The following CLSTN2 variants were observed in gnomAD, a reference collection of about 807,000 sequenced individuals.
CLSTN2 encodes calsyntenin-2.
In CLSTN2, 48 loss-of-function variants were observed where a neutral mutation model predicts 101.2. That is an observed-to-expected ratio of 0.47 (90% CI 0.38 to 0.60). The LOEUF is 0.60. Ranked by LOEUF, CLSTN2 falls within the 20% of genes least tolerant of loss-of-function variation. The pLI, the probability that CLSTN2 is intolerant of heterozygous loss-of-function variation, is 0.00. For missense variants in CLSTN2, 1,160 were observed against 1,238.2 expected (o/e 0.94, Z 0.95); for synonymous variants, 481 against 463.6 (o/e 1.04, Z -0.48).
intron 1 of CLSTN2, among the ~76,000 whole-genome samples, chr3:139,950,137 A>C (rs1935271984): frequency 6.6e-6 from 1 of 152,184 alleles, no homozygotes; most frequent in Non-Finnish European, 1.5e-5. Flanking sequence ...AACAAACGGG[A>C]GTCTCTCTGA....
chr3:140,135,207 A>G (rs2009597590), intron 1 of CLSTN2, among the ~76,000 whole-genome samples: 1 of 147,706 alleles, frequency 6.8e-6, no homozygotes, highest in Non-Finnish European at 1.5e-5. Flanking sequence ...TATACAATAC[A>G]CATTTGCATA....
chr3:139,981,022 A>G (rs1935907747), intron 1 of CLSTN2, among the ~76,000 whole-genome samples: 1 of 152,082 alleles, frequency 6.6e-6, no homozygotes. Flanking sequence ...GGAGGGGCAG[A>G]GAATTCCCTG....
chr3:140,060,083 G>A (rs907765348), intron 1 of CLSTN2, among the ~76,000 whole-genome samples: 2 of 152,082 alleles, frequency 1.3e-5, no homozygotes, highest in Non-Finnish European at 2.9e-5. Context: ...TGCTGTTAGG[G>A]GAATTAAATA....
intron 1 of CLSTN2, among the ~76,000 whole-genome samples, chr3:140,075,582 C>G (rs1560087326): frequency 6.6e-6 from 1 of 152,206 alleles, no homozygotes; most frequent in Non-Finnish European, 1.5e-5. Context: ...CTCATTATCT[C>G]TGCTCCTTAT....
intron 2 of CLSTN2, among the ~76,000 whole-genome samples, chr3:140,251,579 C>CTTCCTTTCCTTTCCTTTCCTTTCCT (rs1559819480): frequency 1.5e-4 from 8 of 53,034 alleles, no homozygotes; most frequent in Non-Finnish European, 3.0e-4. Context: ...CAACTCTTAG[C>CTTCCTTTCCTTTCCTTTCCTTTCCT]TTCCGTTCCT....
At chr3:140,370,066 G>C (rs372576377) in intron 2 of CLSTN2, among the ~76,000 whole-genome samples, 11 of 152,332 alleles carry the variant, frequency 7.2e-5, no homozygotes, top group African/African-American at 2.6e-4. Flanking sequence ...CACTCCATTA[G>C]TCATGAGTGA....
At position 140,566,572 on chromosome 3, in the gene CLSTN2, G is replaced by A; in HGVS notation, c.*319G>A. 1 of 360,514 alleles carries A rather than the reference G, an allele frequency of 2.8e-6. No individual in the cohort carries two copies. The highest frequency in any genetic ancestry group is 3.7e-5 in the Admixed American group (1 of 26,898). 22.3% of individuals were successfully genotyped at this position (360,514 alleles called of 1,614,324 possible). On this transcript the variant is annotated 3_prime_UTR_variant, in exon 17 of 17. Coordinates refer to ENST00000458420, the MANE Select transcript of CLSTN2 (RefSeq NM_022131.3). Reference sequence around the variant, plus strand: ...TTTGTTTTTTCCTGCAGGGAAGAAGGCCCACCTTTGTGTCACTCACCTCCC... The same window carrying A: ...TTTGTTTTTTCCTGCAGGGAAGAAGACCCACCTTTGTGTCACTCACCTCCC...
intron 8 of CLSTN2, among the ~76,000 whole-genome samples, chr3:140,492,562 C>T (rs1934372903): frequency 6.6e-6 from 1 of 152,156 alleles, no homozygotes; most frequent in Non-Finnish European, 1.5e-5. Flanking sequence ...TCCAAGGTGT[C>T]CCTTAACCTC....
intron 1 of CLSTN2, among the ~76,000 whole-genome samples, chr3:140,140,110 C>A (rs547660556): frequency 6.6e-6 from 1 of 152,288 alleles, no homozygotes; most frequent in South Asian, 2.1e-4. Context: ...AGATAATGTG[C>A]ATTTGTAGCA....
Position 140,566,850 on chromosome 3 carries a change from G to A in CLSTN2, c.*597G>A, listed in dbSNP as rs896071111. 3.9e-5 allele frequency: 6 copies of A among 153,794 alleles called. No homozygotes were observed. The highest frequency in any genetic ancestry group is 3.2e-4 in the Admixed American group (5 of 15,602). The allele number at this position is 153,794 out of a possible 1,614,324, so 9.5% of individuals were successfully genotyped here. ...TCTATCTAGTTCCCCAGCTTGGAGA[G>A]CCTTTCCCCTTGCTTCTTTCTGAGG... On this transcript the variant is annotated 3_prime_UTR_variant, in exon 17 of 17. Coordinates refer to ENST00000458420, the MANE Select transcript of CLSTN2 (RefSeq NM_022131.3).
intron 4 of CLSTN2, 36 bp from the exon 5 acceptor site, chr3:140,421,089 T>C (rs1320379043): frequency 1.2e-6 from 2 of 1,602,482 alleles, no homozygotes; most frequent in Non-Finnish European, 1.7e-6. Context: ...GCAGTTAAAT[T>C]GACCTGAAAT....
intron 1 of CLSTN2, among the ~76,000 whole-genome samples, chr3:140,060,098 G>A (rs949934960): frequency 1.3e-5 from 2 of 152,152 alleles, no homozygotes; most frequent in Non-Finnish European, 2.9e-5. Context: ...TAAATAACAT[G>A]TTTGTAAATA....
At chr3:140,480,347 G>T (rs1934087502) in intron 8 of CLSTN2, among the ~76,000 whole-genome samples, 1 of 152,098 alleles carries the variant, frequency 6.6e-6, no homozygotes, top group Non-Finnish European at 1.5e-5. Context: ...GTCTATCATT[G>T]TTGGACCTTT....
intron 1 of CLSTN2, among the ~76,000 whole-genome samples, chr3:140,041,279 G>A (rs1280577748): frequency 4.6e-5 from 7 of 152,192 alleles, no homozygotes; most frequent in Admixed American, 2.6e-4. Flanking sequence ...CCAGCTCATG[G>A]CTGAGATGGC....
chr3:140,356,828 T>G (rs2087676792), intron 2 of CLSTN2, among the ~76,000 whole-genome samples: 1 of 151,872 alleles, frequency 6.6e-6, no homozygotes, highest in Admixed American at 6.6e-5. Context: ...TTGTATTACC[T>G]TTTCTGACAA....
intron 8 of CLSTN2, among the ~76,000 whole-genome samples, chr3:140,514,982 C>T (rs578019165): frequency 6.6e-6 from 1 of 152,114 alleles, no homozygotes; most frequent in Non-Finnish European, 1.5e-5. Flanking sequence ...TGATAAAATT[C>T]AGCTATGAAT....
At position 140,300,009 on chromosome 3, in the gene CLSTN2, T is replaced by C. The variant is rs2087043236; in HGVS notation, c.233-103620T>C. Reference sequence around the variant, plus strand: ...TTTGATGAAAAGAATAACTTCCGAATTGTGAACAAGCTGAAAATGTTTCCC... The same window carrying C: ...TTTGATGAAAAGAATAACTTCCGAACTGTGAACAAGCTGAAAATGTTTCCC... On this transcript the variant is annotated intron_variant, in intron 2 of 16. Coordinates refer to ENST00000458420, the MANE Select transcript of CLSTN2 (RefSeq NM_022131.3). 2.6e-5 allele frequency among the ~76,000 whole-genome samples: 4 copies of C among 152,184 alleles called. No homozygotes were observed. The South Asian group carries it at 8.3e-4, about 32-fold the overall frequency.
intron 5 of CLSTN2, among the ~76,000 whole-genome samples, chr3:140,445,513 C>T (rs1400078241): frequency 1.3e-5 from 2 of 152,142 alleles, no homozygotes; most frequent in Non-Finnish European, 2.9e-5. Context: ...CCGCAGGGTG[C>T]ACACCAAGCT....
At chr3:140,208,312 A>C (rs2010809939) in intron 2 of CLSTN2, among the ~76,000 whole-genome samples, 1 of 152,196 alleles carries the variant, frequency 6.6e-6, no homozygotes, top group African/African-American at 2.4e-5. Flanking sequence ...TAATAGAAAC[A>C]GTTTACTGCC....
Sources: gnomAD v4.1 joint callset for allele counts (sites outside exome capture counted in the v4.1 genomes callset) on GRCh38, gnomAD v4.1.1 for gene constraint, MANE v1.5 for transcripts, NCBI Gene and HGNC (gene_info 2026-07-23, HGNC 2026-07-21) for gene names.